The following SVOPL variants were observed in gnomAD, a reference collection of about 807,000 sequenced individuals.
SVOPL encodes SVOP like.
In SVOPL, 60 loss-of-function variants were observed where a neutral mutation model predicts 61.0. The observed-to-expected ratio is 0.98, with a 90% CI of 0.80 to 1.22. The LOEUF is 1.22. Ranked by LOEUF, SVOPL falls within the 50% of genes most tolerant of loss-of-function variation. SVOPL has a pLI of 0.00. For synonymous variants in SVOPL, 279 were observed against 250.0 expected, an observed-to-expected ratio of 1.12 and a Z score of -1.09; for missense variants, 662 against 643.9, an observed-to-expected ratio of 1.03 and a Z score of -0.30.
chr7:138,641,841 A>G, intron 9 of SVOPL, among the ~76,000 whole-genome samples: 1 of 143,846 alleles, frequency 7.0e-6, no homozygotes, highest in Non-Finnish European at 1.5e-5. Context: ...TATAACATAT[A>G]TATATAACAT....
chr7:138,607,494 G>A lies in SVOPL; in HGVS notation c.1354-10964C>T, dbSNP rs1027416567. ...CCACCAGAAGGGAACACGGGATGCC[G>A]GAGGGAGAGCACGGCCAGCAGTCCT... On this transcript the variant is annotated intron_variant, in intron 14 of 15. Coordinates refer to ENST00000674285, the MANE Select transcript of SVOPL (RefSeq NM_001139456.2). 5.3e-5 allele frequency among the ~76,000 whole-genome samples: 8 copies of A among 152,166 alleles called. No homozygotes were observed. The East Asian group carries it at 5.8e-4, about 11-fold the overall frequency.
chr7:138,651,308 C>T (rs1291361775), intron 7 of SVOPL, among the ~76,000 whole-genome samples: 1 of 152,154 alleles, frequency 6.6e-6, no homozygotes, highest in Non-Finnish European at 1.5e-5. Context: ...TCATCCTGGG[C>T]TCAGAAAACC....
intron 7 of SVOPL, 49 bp from the exon 8 acceptor site, chr7:138,649,186 A>G: frequency 6.8e-7 from 1 of 1,465,492 alleles, no homozygotes; most frequent in East Asian, 2.4e-5. Context: ...AATTATGACA[A>G]TGAAAAAAAA....
intron 7 of SVOPL, among the ~76,000 whole-genome samples, chr7:138,649,833 G>GT (rs1801329825): frequency 1.3e-5 from 2 of 151,942 alleles, no homozygotes; most frequent in Non-Finnish European, 2.9e-5. Context: ...GAAAAAAAAG[G>GT]TTGTTTGTTT....
chr7:138,645,754 A>G, intron 8 of SVOPL: 1 of 165,022 alleles, frequency 6.1e-6, no homozygotes, highest in Non-Finnish European at 1.3e-5. Context: ...TCTGGGTGGA[A>G]CAGGACTGGT....
At chr7:138,680,367 C>G (rs913606648) in intron 1 of SVOPL, among the ~76,000 whole-genome samples, 3 of 151,988 alleles carry the variant, frequency 2.0e-5, no homozygotes, top group African/African-American at 7.3e-5. Flanking sequence ...CAGGCAGGTC[C>G]CAAACTCCTG....
intron 12 of SVOPL, 66 bp from the exon 13 acceptor site, chr7:138,626,116 C>G (rs1799881936): frequency 4.1e-6 from 6 of 1,470,904 alleles, no homozygotes; most frequent in Non-Finnish European, 5.7e-6. Context: ...AGTGGCCCAG[C>G]TTCGAGTGCA....
intron 14 of SVOPL, among the ~76,000 whole-genome samples, chr7:138,604,659 C>CA (rs1798672452): frequency 2.3e-5 from 1 of 44,116 alleles, no homozygotes; most frequent in Non-Finnish European, 4.1e-5. Flanking sequence ...ACCTGGGCAA[C>CA]AGAGCAAAAC....
At chr7:138,626,464 C>T (rs769279229) in intron 12 of SVOPL, among the ~76,000 whole-genome samples, 14 of 152,134 alleles carry the variant, frequency 9.2e-5, no homozygotes, top group Non-Finnish European at 1.8e-4. Context: ...ACAATCATGG[C>T]TCACTGCAGC....
intron 1 of SVOPL, among the ~76,000 whole-genome samples, chr7:138,689,732 C>T (rs972472516): frequency 6.6e-6 from 1 of 151,564 alleles, no homozygotes; most frequent in Non-Finnish European, 1.5e-5. Context: ...TGGCGCACAC[C>T]TGTAATCCCA....
At chr7:138,678,778 CCAGGCAGGTCCCAAA>C (rs1802635504) in intron 2 of SVOPL, among the ~76,000 whole-genome samples, 171 bp downstream of exon 2, 1 of 152,170 alleles carries the variant, frequency 6.6e-6, no homozygotes, top group Admixed American at 6.5e-5. Context: ...ACCATGTTGG[CCAGGCAGGTCCCAAA>C]CTCCTGACCT....
chr7:138,683,188 T>C (rs1472061372), intron 1 of SVOPL, among the ~76,000 whole-genome samples: 1 of 152,068 alleles, frequency 6.6e-6, no homozygotes, highest in Admixed American at 6.6e-5. Context: ...AATGATGATG[T>C]CTGGGATTTA....
At chr7:138,597,320 C>A in intron 14 of SVOPL, 1 of 1,022,050 alleles carries the variant, frequency 9.8e-7, no homozygotes, top group South Asian at 1.5e-5. Flanking sequence ...CAATTTCTTC[C>A]CTTTACAGAT....
intron 1 of SVOPL, among the ~76,000 whole-genome samples, chr7:138,692,918 G>T (rs765153265): frequency 6.6e-6 from 1 of 152,174 alleles, no homozygotes. Flanking sequence ...AGTCGGTGAG[G>T]AAAGGTGGAG....
At chr7:138,652,254 G>A (rs1169919984) in intron 7 of SVOPL, among the ~76,000 whole-genome samples, 1 of 152,090 alleles carries the variant, frequency 6.6e-6, no homozygotes, top group Non-Finnish European at 1.5e-5. Context: ...GTTTCACCAT[G>A]TTGGCCAAAC....
chr7:138,662,463 C>T, intron 5 of SVOPL: 1 of 985,392 alleles, frequency 1.0e-6, no homozygotes, highest in Non-Finnish European at 1.2e-6. Flanking sequence ...ACTTTATGGA[C>T]ACTCACTCAT....
intron 4 of SVOPL, among the ~76,000 whole-genome samples, chr7:138,671,351 A>AT (rs555213057): frequency 6.6e-6 from 1 of 152,136 alleles, no homozygotes; most frequent in African/African-American, 2.4e-5. Context: ...TCATAAGGCT[A>AT]TTTTTTCTTT....
intron 14 of SVOPL, among the ~76,000 whole-genome samples, chr7:138,604,506 T>C (rs1435680784): frequency 6.6e-6 from 1 of 151,684 alleles, no homozygotes; most frequent in African/African-American, 2.4e-5. Flanking sequence ...AAACCCCGTC[T>C]CTATTAAAAA....
intron 4 of SVOPL, among the ~76,000 whole-genome samples, chr7:138,665,220 A>G (rs1428942368): frequency 6.9e-6 from 1 of 144,776 alleles, no homozygotes; most frequent in Admixed American, 7.1e-5. Flanking sequence ...GCGTTTCTTC[A>G]GCATGACTCT....
Sources: gnomAD v4.1 joint callset for allele counts (sites outside exome capture counted in the v4.1 genomes callset) on GRCh38, gnomAD v4.1.1 for gene constraint, MANE v1.5 for transcripts, NCBI Gene and HGNC (gene_info 2026-07-23, HGNC 2026-07-21) for gene names.